The following PTPRB variants were observed in gnomAD, a reference collection of about 807,000 sequenced individuals.
The protein encoded by PTPRB is receptor-type tyrosine-protein phosphatase beta.
Under a neutral mutation model 238.1 loss-of-function variants are expected in PTPRB, and 97 were observed. The ratio of observed to expected loss-of-function variants is 0.41; its 90% CI spans 0.35 to 0.48. PTPRB has a LOEUF of 0.48. PTPRB is among the 20% of genes least tolerant of loss of function. PTPRB has a pLI of 0.30. For missense variants in PTPRB, 2,292 were observed against 2,681.9 expected (o/e 0.85, Z 3.21); for synonymous variants, 970 against 995.4 (o/e 0.97, Z 0.48).
At chr12:70,613,857 C>T (rs1884566810) in intron 3 of PTPRB, among the ~76,000 whole-genome samples, 1 of 152,074 alleles carries the variant, frequency 6.6e-6, no homozygotes, top group Non-Finnish European at 1.5e-5. Flanking sequence ...CCTGTTGGTC[C>T]TGCTGGACCA....
chr12:70,536,762 C>T (rs1874189188), intron 28 of PTPRB, among the ~76,000 whole-genome samples: 1 of 152,198 alleles, frequency 6.6e-6, no homozygotes, highest in Non-Finnish European at 1.5e-5. Context: ...TCCTCAGGGT[C>T]TCCACATTAT....
chr12:70,548,155 C>T (rs1876304788), intron 21 of PTPRB, among the ~76,000 whole-genome samples: 1 of 152,090 alleles, frequency 6.6e-6, no homozygotes, highest in Admixed American at 6.5e-5. Flanking sequence ...GGTGAAACCC[C>T]ATCTCTATTA....
At chr12:70,632,358 C>T (rs998841278) in intron 2 of PTPRB, among the ~76,000 whole-genome samples, 1 of 151,848 alleles carries the variant, frequency 6.6e-6, no homozygotes, top group African/African-American at 2.4e-5. Context: ...GTGTACCACT[C>T]ATAGGTGGAA....
chr12:70,596,349 A>C, intron 4 of PTPRB, 22 bp from the exon 5 acceptor site: 1 of 1,244,962 alleles, frequency 8.0e-7, no homozygotes, highest in Non-Finnish European at 1.0e-6. Flanking sequence ...ATACACACAC[A>C]CACACAAAAA....
intron 11 of PTPRB, among the ~76,000 whole-genome samples, chr12:70,575,019 C>T (rs556958261): frequency 6.6e-6 from 1 of 152,280 alleles, no homozygotes; most frequent in African/African-American, 2.4e-5. Flanking sequence ...CAATATGAGA[C>T]CCTGACATAA....
At chr12:70,535,030 AAAT>A in intron 29 of PTPRB, 75 bp from the exon 30 acceptor site, 4 of 1,503,684 alleles carry the variant, frequency 2.7e-6, no homozygotes, top group Non-Finnish European at 3.6e-6. Context: ...TCCCTCCTCT[AAAT>A]GTCTTCCAAA....
chr12:70,522,863 C>CTTTTTTTTTT (rs35913444), intron 33 of PTPRB, among the ~76,000 whole-genome samples: 8 of 118,234 alleles, frequency 6.8e-5, no homozygotes, highest in South Asian at 2.7e-4. Context: ...TTTGTTTTTT[C>CTTTTTTTTTT]TTTTTTTTTT....
chr12:70,534,786 C>G lies in PTPRB; in HGVS notation c.6204+47G>C, dbSNP rs775949829. 7 of 1,607,464 alleles carry G rather than the reference C, an allele frequency of 4.4e-6. No homozygotes were observed. The South Asian group carries it at 7.8e-5, about 18-fold the overall frequency. On this transcript the variant is annotated intron_variant, in intron 30 of 33. Coordinates refer to ENST00000334414, the MANE Select transcript of PTPRB (RefSeq NM_001109754.4). ...CAGCGAAAGTGGGGTTCACAGATCT[C>G]ATTCATCTCCCCAAGCTCGGTTGTT...
chr12:70,527,581 G>GTGTC (rs2136208576), intron 32 of PTPRB: 1 of 152,160 alleles, frequency 6.6e-6, no homozygotes, highest in East Asian at 1.9e-4. Context: ...CTCCCTTAAT[G>GTGTC]TGTCTCTCAG....
intron 4 of PTPRB, among the ~76,000 whole-genome samples, chr12:70,599,653 T>G (rs1440585534): frequency 6.6e-6 from 1 of 152,206 alleles, no homozygotes; most frequent in Non-Finnish European, 1.5e-5. Flanking sequence ...ATAATATTCA[T>G]TGTATATACT....
intron 2 of PTPRB, among the ~76,000 whole-genome samples, chr12:70,631,479 G>C (rs1256048898): frequency 1.3e-5 from 2 of 152,104 alleles, no homozygotes; most frequent in African/African-American, 4.8e-5. Context: ...AAAAACCCTA[G>C]AAGAAAACCT....
intron 18 of PTPRB, chr12:70,559,093 A>C (rs1878107135): frequency 1.7e-6 from 1 of 591,310 alleles, no homozygotes; most frequent in East Asian, 2.8e-5. Context: ...TCACACCCAA[A>C]ATATAATGTC....
At chr12:70,595,363 G>A (rs11178316) in intron 5 of PTPRB, among the ~76,000 whole-genome samples, 23,790 of 152,102 alleles carry the variant, frequency 0.16, 2,531 homozygotes, top group East Asian at 0.28. Context: ...ATGGGTTGAT[G>A]GGTGCAGCAA....
Position 70,560,529 on chromosome 12 carries a change from C to T in PTPRB, c.4432+142G>A. On this transcript the variant is annotated intron_variant, in intron 17 of 33. Coordinates refer to ENST00000334414, the MANE Select transcript of PTPRB (RefSeq NM_001109754.4). The surrounding 1 kb of genome is among the most constrained non-coding windows in gnomAD (Gnocchi z 4.2). Reference sequence around the variant, plus strand: ...AAAGCCTTGTCCTTTATCTGTTGTCCCACAGTCCCTTCCCAAATTCAGGGG... The same window carrying T: ...AAAGCCTTGTCCTTTATCTGTTGTCTCACAGTCCCTTCCCAAATTCAGGGG... The T allele has an allele frequency of 9.2e-7, 1 of 1,085,654 alleles. No homozygotes were observed. The highest frequency in any genetic ancestry group is 2.5e-5 in the East Asian group (1 of 39,652). 67.3% of individuals were successfully genotyped at this position (1,085,654 alleles called of 1,614,324 possible). A position where few individuals can be genotyped will look rare whatever the true frequency, so the allele number is the denominator to read the frequency against.
chr12:70,576,783 A>C (rs1158810925), intron 10 of PTPRB, 138 bp from the exon 11 acceptor site: 1 of 602,800 alleles, frequency 1.7e-6, no homozygotes, highest in Admixed American at 3.0e-5. Context: ...TGATTATATA[A>C]GAGGTCAAGG....
rs748250798 is a variant in PTPRB, at chr12:70,576,486, C to T, written c.2738G>A (p.Arg913Lys). The change falls in exon 11 of 34, where the codon AGA (arginine) becomes AAA (lysine). Residue 913 changes from arginine (R) to lysine (K), a missense_variant. Around this residue, in one of 4 missense-constraint regions of PTPRB, gnomAD observed 1,205 missense variants for 1,287.8 expected, o/e 0.94. Coordinates refer to ENST00000334414, the MANE Select transcript of PTPRB (RefSeq NM_001109754.4). ...GGTGAGGGAGCTGAAGGAACATTCT[C>T]TGACAGACTTGGCAATGACAAGGGA... is the stretch of plus-strand genomic sequence containing the variant. Reference protein sequence around the residue: ...VQSLVIAKSVRECSFSSLTPG... With the variant: ...VQSLVIAKSVKECSFSSLTPG... 6.3e-6 allele frequency: 10 copies of T among 1,585,536 alleles called. No individual in the cohort carries two copies. In the South Asian group the frequency reaches 9.2e-5, roughly 15 times the overall value.
In PTPRB at chr12:70,532,811, A is replaced by C. The variant is rs529386685; in HGVS notation, c.6369-641T>G. ...CATGTGTAACTACTCCCAGCTAATT[A>C]AAAAAAAAGACTTGTAGAGATAAGG... On this transcript the variant is annotated intron_variant, in intron 31 of 33. Transcript: ENST00000334414. 9.3e-5 allele frequency among the ~76,000 whole-genome samples: 14 copies of C among 151,082 alleles called. No individual in the cohort carries two copies. The South Asian group carries it at 2.9e-3, about 32-fold the overall frequency.
intron 4 of PTPRB, 141 bp downstream of exon 4, chr12:70,608,928 A>G (rs1884190612): frequency 2.5e-6 from 3 of 1,222,232 alleles, no homozygotes; most frequent in Middle Eastern, 2.1e-4. Context: ...AGGAAACCAG[A>G]CATTTCTGTC....
At chr12:70,546,122 G>A (rs556380147) in intron 21 of PTPRB, among the ~76,000 whole-genome samples, 175 of 146,828 alleles carry the variant, frequency 1.2e-3, no homozygotes, top group Admixed American at 2.3e-3. Flanking sequence ...GGGTGACAAA[G>A]CAGGACTCCA....
Sources: gnomAD v4.1 joint callset for allele counts (sites outside exome capture counted in the v4.1 genomes callset) on GRCh38, gnomAD v4.1.1 for gene constraint, gnomAD v4.1.1 regional missense constraint, Gnocchi (gnomAD v3.1) non-coding constraint, MANE v1.5 for transcripts, NCBI Gene and HGNC (gene_info 2026-07-23, HGNC 2026-07-21) for gene names.